The following COPB1 variants were observed in gnomAD, a reference collection of about 807,000 sequenced individuals.
COPB1 encodes coat protein complex I subunit beta 1.
Under a neutral mutation model 108.7 loss-of-function variants are expected in COPB1, and 21 were observed. The ratio of observed to expected loss-of-function variants is 0.19; its 90% CI spans 0.14 to 0.28. The LOEUF is 0.28. COPB1 is among the 10% of genes least tolerant of loss of function. COPB1 has a pLI of 1.00. For synonymous variants in COPB1, 378 were observed against 386.8 expected, an observed-to-expected ratio of 0.98 and a Z score of 0.27; for missense variants, 919 against 1,141.3, an observed-to-expected ratio of 0.81 and a Z score of 2.81.
At position 14,460,214 on chromosome 11, in the gene COPB1, T is replaced by C. The variant is rs1368928263; in HGVS notation, c.2640A>G (p.Pro880=). The C allele has an allele frequency of 1.9e-6, 3 of 1,601,666 alleles. No individual in the cohort carries two copies. In the East Asian group the frequency reaches 6.7e-5, roughly 36 times the overall value. The change falls in exon 20 of 22, where the codon CCA becomes CCG. Residue 880 remains proline (P), a synonymous_variant. Transcript: ENST00000439561. ...LKSTNMKCLT[P]EKALSGYCGF... ...TTTCCTAGTCAAATTTTACCTTTTC[T>C]GGAGTCAGGCATTTCATATTGGTTG... is the stretch of plus-strand genomic sequence containing the variant.
intron 17 of COPB1, 63 bp from the exon 18 acceptor site, chr11:14,465,093 A>G: frequency 1.4e-6 from 2 of 1,466,302 alleles, no homozygotes; most frequent in African/African-American, 1.4e-5. Flanking sequence ...ACACACACAC[A>G]CACACACACA....
chr11:14,496,232 A>G (rs1851013606), intron 2 of COPB1, among the ~76,000 whole-genome samples: 1 of 152,322 alleles, frequency 6.6e-6, no homozygotes, highest in Middle Eastern at 3.4e-3. Context: ...ATTAAACAAG[A>G]ATCATTACTT....
intron 5 of COPB1, among the ~76,000 whole-genome samples, chr11:14,490,290 AAC>A (rs1850867597): frequency 6.6e-6 from 1 of 152,226 alleles, no homozygotes; most frequent in East Asian, 1.9e-4. Flanking sequence ...CATAGGAAAG[AAC>A]AGTCATAATA....
chr11:14,467,810 T>C (rs1305727640), intron 16 of COPB1, among the ~76,000 whole-genome samples: 1 of 152,210 alleles, frequency 6.6e-6, no homozygotes, highest in Admixed American at 6.5e-5. Context: ...TACTGTATTG[T>C]TCCACTTCTG....
intron 1 of COPB1, among the ~76,000 whole-genome samples, chr11:14,499,338 C>T (rs758483775): frequency 6.6e-6 from 1 of 152,138 alleles, no homozygotes; most frequent in Non-Finnish European, 1.5e-5. Flanking sequence ...AATACTCTGC[C>T]AAAACCCTAA....
chr11:14,491,365 A>G (rs1850898660), intron 4 of COPB1, among the ~76,000 whole-genome samples: 1 of 152,030 alleles, frequency 6.6e-6, no homozygotes, highest in Admixed American at 6.6e-5. Context: ...TGAAACTTCA[A>G]ATCAATTAGA....
chr11:14,471,787 TG>T (rs1378611289), intron 14 of COPB1, among the ~76,000 whole-genome samples: 1 of 152,098 alleles, frequency 6.6e-6, no homozygotes, highest in Non-Finnish European at 1.5e-5. Context: ...ACAGGCGTGG[TG>T]GCAGGCGCCT....
chr11:14,479,740 ATG>A, intron 10 of COPB1, 26 bp from the exon 11 acceptor site: 1 of 1,547,656 alleles, frequency 6.5e-7, no homozygotes, highest in South Asian at 1.2e-5. Flanking sequence ...AAAAAAGAAA[ATG>A]GAACTAACAA....
Position 14,493,667 on chromosome 11 carries a change from C to G in COPB1, c.466G>C (p.Val156Leu). ...HRHSYVRRNA[V>L]LAIYTIYRNF... ...CTATAGATGGTATAGATGGCCAAAA[C>G]AGCATTTCTTCTAACATAGCTGTGT... Residue 156 changes from valine (V) to leucine (L), a missense_variant, in exon 4 of 22, where the codon GTT becomes CTT. Val to Leu is a conservative substitution (Grantham distance 32). Around this residue, in one of 5 missense-constraint regions of COPB1, gnomAD observed 78 missense variants for 95.4 expected, o/e 0.82. Coordinates refer to ENST00000439561, the MANE Select transcript of COPB1 (RefSeq NM_001144061.2). 1 of 1,612,076 alleles carries G rather than the reference C, an allele frequency of 6.2e-7. No individual in the cohort carries two copies. The highest frequency in any genetic ancestry group is 8.5e-7 in the Non-Finnish European group (1 of 1,179,386).
chr11:14,499,032 A>AAC lies in COPB1; in HGVS notation c.-57-48_-57-47insGT, dbSNP rs397698124. 4.3e-6 allele frequency: 4 copies of AAC among 931,518 alleles called. No homozygotes were observed. In the African/African-American group the frequency reaches 6.9e-5, roughly 16 times the overall value. The allele number at this position is 931,518 out of a possible 1,614,324, so 57.7% of individuals were successfully genotyped here. A position where few individuals can be genotyped will look rare whatever the true frequency, so the allele number is the denominator to read the frequency against. ...TATCATTACAAATTAAAAAAAAAAAACCCACAAACAAGTACCTATAGTGAC... is the reference window on the plus strand; with the variant it reads ...TATCATTACAAATTAAAAAAAAAAAAACCCCACAAACAAGTACCTATAGTGAC... On this transcript the variant is annotated intron_variant, in intron 1 of 21. Coordinates refer to ENST00000439561, the MANE Select transcript of COPB1 (RefSeq NM_001144061.2).
In COPB1 at chr11:14,481,043, T is replaced by C; in HGVS notation, c.1012A>G (p.Lys338Glu). The stretch of plus-strand genomic sequence containing the variant: ...TCCAGTGCTAACTGCAGAGTTTTCT[T>C]TCGTACTTCTAAGTCTGGTGTGCTC... Reference protein sequence around the residue: ...VLSTPDLEVRKKTLQLALDLV... With the variant: ...VLSTPDLEVREKTLQLALDLV... Residue 338 changes from lysine (K) to glutamate (E), a missense_variant, in exon 9 of 22, where the codon AAG (lysine) becomes GAG (glutamate). Transcript: ENST00000439561. The C allele has an allele frequency of 6.2e-7, 1 of 1,613,938 alleles. No individual in the cohort carries two copies. Among genetic ancestry groups the C allele is most frequent in the East Asian group, 2.2e-5 (1 of 44,854 alleles).
intron 19 of COPB1, among the ~76,000 whole-genome samples, chr11:14,460,860 G>A (rs1850130873): frequency 6.6e-6 from 1 of 152,080 alleles, no homozygotes; most frequent in Non-Finnish European, 1.5e-5. Context: ...TTCCTCAACA[G>A]ACCATGAACT....
At chr11:14,486,833 G>T (rs779686858) in intron 6 of COPB1, among the ~76,000 whole-genome samples, 1 of 151,970 alleles carries the variant, frequency 6.6e-6, no homozygotes, top group African/African-American at 2.4e-5. Context: ...TTTCGTAAAA[G>T]GTTTTCTGAT....
At position 14,488,473 on chromosome 11, in the gene COPB1, C is replaced by T. The variant is rs1183420308; in HGVS notation, c.699+19G>A. 3.3e-6 allele frequency: 5 copies of T among 1,530,428 alleles called. No individual in the cohort carries two copies. The highest frequency in any genetic ancestry group is 4.5e-6 in the Non-Finnish European group (5 of 1,113,116). 94.8% of individuals were successfully genotyped at this position (1,530,428 alleles called of 1,614,324 possible). On this transcript the variant is annotated intron_variant, in intron 6 of 21. Coordinates refer to ENST00000439561, the MANE Select transcript of COPB1 (RefSeq NM_001144061.2). ...AAACTGCTGAGTTTATTTTACTCAT[C>T]ATAGATTATCATTCTTACCTTATAA...
chr11:14,482,408 T>A (rs1257417709), intron 8 of COPB1, among the ~76,000 whole-genome samples: 1 of 152,210 alleles, frequency 6.6e-6, no homozygotes, highest in Admixed American at 6.5e-5. Context: ...TATTCTCAAT[T>A]GGTATAATAA....
At chr11:14,462,116 T>C (rs1850168998) in intron 18 of COPB1, among the ~76,000 whole-genome samples, 1 of 152,072 alleles carries the variant, frequency 6.6e-6, no homozygotes, top group South Asian at 2.1e-4. Context: ...AATCCATGGA[T>C]GTGGAACCCA....
At chr11:14,483,248 ACAC>A in intron 7 of COPB1, 97 bp from the exon 8 acceptor site, 1 of 664,290 alleles carries the variant, frequency 1.5e-6, no homozygotes. Flanking sequence ...ACACACACAC[ACAC>A]ACACACACTC....
At chr11:14,476,215 T>G (rs572928153) in intron 12 of COPB1, among the ~76,000 whole-genome samples, 1 of 152,320 alleles carries the variant, frequency 6.6e-6, no homozygotes, top group Non-Finnish European at 1.5e-5. Context: ...ATCTTAATTC[T>G]TTCTACACAT....
rs1457015725 is a variant in COPB1 at position 14,494,417 on chromosome 11, C to CT, written c.113dup (p.Thr39AspfsTer2). ...TGATTACTTTCTTCAAAGCTTCAGT[C>CT]TTTGACTTTACATCTCCTTTTTCTG... On this transcript the variant is annotated frameshift_variant, in exon 3 of 22. Coordinates refer to ENST00000439561, the MANE Select transcript of COPB1 (RefSeq NM_001144061.2). LOFTEE classifies it high-confidence loss of function. 1 of 1,586,554 alleles carries CT rather than the reference C, an allele frequency of 6.3e-7. No individual in the cohort carries two copies. Among genetic ancestry groups the CT allele is most frequent in the African/African-American group, 1.4e-5 (1 of 74,036 alleles).
Sources: allele counts gnomAD v4.1 joint callset (sites outside exome capture counted in the v4.1 genomes callset), GRCh38; gene constraint gnomAD v4.1.1; regional missense constraint gnomAD v4.1.1; transcripts MANE v1.5; gene names NCBI Gene and HGNC (gene_info 2026-07-23, HGNC 2026-07-21).